RBBP6: variants seen among roughly 807,000 people sequenced by gnomAD.
RBBP6 encodes the protein RB binding protein 6, ubiquitin ligase.
In RBBP6, 25 loss-of-function variants were observed where a neutral mutation model predicts 167.7. The ratio of observed to expected loss-of-function variants is 0.15; its 90% CI spans 0.11 to 0.21. RBBP6 has a LOEUF of 0.21. RBBP6 is among the 10% of genes least tolerant of loss of function. RBBP6 has a pLI of 1.00. For synonymous variants in RBBP6, 789 were observed against 735.8 expected (o/e 1.07, Z -1.17); for missense variants, 1,868 against 2,134.2 (o/e 0.88, Z 2.46).
chr16:24,547,423 A>G (rs907714764), intron 2 of RBBP6, among the ~76,000 whole-genome samples: 6 of 152,134 alleles, frequency 3.9e-5, no homozygotes, highest in Non-Finnish European at 8.8e-5. Context: ...TGATTCTAAG[A>G]ATTATATATA....
intron 2 of RBBP6, among the ~76,000 whole-genome samples, chr16:24,547,736 G>T (rs946957553): frequency 8.5e-5 from 13 of 152,160 alleles, no homozygotes; most frequent in Non-Finnish European, 1.8e-4. Context: ...GATTACAGGC[G>T]TGAGCCACCG....
At position 24,570,776 on chromosome 16, in the gene RBBP6, A is replaced by C. The variant is rs552824401; in HGVS notation, c.3810-100A>C. 23 of 1,052,692 alleles carry C rather than the reference A, an allele frequency of 2.2e-5. No individual in the cohort carries two copies. The African/African-American group carries it at 3.8e-4, about 17-fold the overall frequency. 65.2% of individuals were successfully genotyped at this position (1,052,692 alleles called of 1,614,324 possible). A position where few individuals can be genotyped will look rare whatever the true frequency, so the allele number is the denominator to read the frequency against. ...AGTTTTTTGTTTTTTTTAATGTTAA[A>C]AGGACATTTGTGTTTAAGTTAGCAT... On this transcript the variant is annotated intron_variant, in intron 17 of 17. Transcript: ENST00000319715.
At chr16:24,546,038 G>A in intron 1 of RBBP6, 125 bp from the exon 2 acceptor site, 4 of 1,371,142 alleles carry the variant, frequency 2.9e-6, no homozygotes, top group Non-Finnish European at 3.8e-6. Context: ...TAATCTAGTT[G>A]CAAGGAACTT....
At position 24,567,141 on chromosome 16, in the gene RBBP6, A is replaced by G. The variant is rs1225114018; in HGVS notation, c.1590-2A>G. On this transcript the variant is annotated splice_acceptor_variant, in intron 14 of 17. Coordinates refer to ENST00000319715, the MANE Select transcript of RBBP6 (RefSeq NM_006910.5). LOFTEE classifies it high-confidence loss of function. ...GTAATATCTTGGAATTTATTTTTCC[A>G]GAAGTATAAACCGTGGGCGACACCA... 1 of 1,607,074 alleles carries G rather than the reference A, an allele frequency of 6.2e-7. No individual in the cohort carries two copies.
In RBBP6 at chr16:24,564,959, G is replaced by C. The variant is rs1415265699; in HGVS notation, c.1589+94G>C. The C allele has an allele frequency of 2.7e-6, 4 of 1,497,778 alleles. No homozygotes were observed. The African/African-American group carries it at 4.2e-5, about 16-fold the overall frequency. 92.8% of individuals were successfully genotyped at this position (1,497,778 alleles called of 1,614,324 possible). A position where few individuals can be genotyped will look rare whatever the true frequency, so the allele number is the denominator to read the frequency against. ...AAAGCACAGCAGTGGCAGGAAGGAA[G>C]GGGGTCATTTGTTTGTATTGTGCTT... On this transcript the variant is annotated intron_variant, in intron 14 of 17. Transcript: ENST00000319715.
At chr16:24,551,989 G>A (rs1020289541) in intron 3 of RBBP6, among the ~76,000 whole-genome samples, 1 of 151,554 alleles carries the variant, frequency 6.6e-6, no homozygotes, top group African/African-American at 2.4e-5. Flanking sequence ...TACCACTTGA[G>A]ATTAGTTCTT....
Position 24,568,852 on chromosome 16 carries a change from G to C in RBBP6, c.2162G>C (p.Arg721Pro). ...CGCTCTTATTCTCGATCATTCAGCC[G>C]CTCACATTCTCGTTCCTATTCACGG... ...RSRSYSRSFS[R>P]SHSRSYSRSP... is the part of the protein sequence containing the mutation. Residue 721 changes from arginine (R) to proline (P), a missense_variant, in exon 17 of 18, where the codon CGC (arginine) becomes CCC (proline). This residue lies in a region of RBBP6 where 673 missense variants were observed against 691.5 expected (regional missense o/e 0.97). Transcript: ENST00000319715. The C allele has an allele frequency of 6.2e-7, 1 of 1,614,146 alleles. No homozygotes were observed. The highest frequency in any genetic ancestry group is 8.5e-7 in the Non-Finnish European group (1 of 1,180,014).
At chr16:24,540,931 A>C in intron 1 of RBBP6, 139 bp downstream of exon 1, 1 of 1,085,032 alleles carries the variant, frequency 9.2e-7, no homozygotes, top group Non-Finnish European at 1.3e-6. Flanking sequence ...TTTCATTGAT[A>C]GCCAAGGTTT....
In RBBP6 at chr16:24,571,301, A is replaced by G. The variant is rs1456850971; in HGVS notation, c.4235A>G (p.Glu1412Gly). 6.2e-7 allele frequency: 1 copy of G among 1,613,964 alleles called. No homozygotes were observed. The highest frequency in any genetic ancestry group is 1.1e-5 in the South Asian group (1 of 91,036). The change falls in exon 18 of 18, where the codon GAA (glutamate) becomes GGA (glycine). Residue 1412 changes from glutamate (E) to glycine (G), a missense_variant. By Grantham distance (98) the Glu-to-Gly change is moderately conservative (BLOSUM62 -2). This residue lies in a region of RBBP6 where 591 missense variants were observed against 540.5 expected (regional missense o/e 1.09). Coordinates refer to ENST00000319715, the MANE Select transcript of RBBP6 (RefSeq NM_006910.5). The stretch of plus-strand genomic sequence containing the variant: ...AAAGATCGAGATTATTCAGTGTTGG[A>G]AAAGGAGAACCCTGAAAAGAGGAAG... ...KTKDRDYSVL[E>G]KENPEKRKNS... is the part of the protein sequence containing the mutation.
intron 4 of RBBP6, 143 bp downstream of exon 4, chr16:24,553,700 A>G (rs953292603): frequency 9.9e-5 from 48 of 483,580 alleles, no homozygotes; most frequent in African/African-American, 7.8e-4. Context: ...TGTAAAGAGT[A>G]GTTGCTGTTT....
intron 2 of RBBP6, 45 bp downstream of exon 2, chr16:24,546,307 GTTT>G: frequency 7.0e-7 from 1 of 1,423,872 alleles, no homozygotes; most frequent in Non-Finnish European, 9.3e-7. Flanking sequence ...ACTTTTTTTA[GTTT>G]TTTTAATTTT....
rs1158739888 is a variant in RBBP6 at position 24,548,979 on chromosome 16, G to GCAGTATGTAAAAACA, written c.303+1_303+15dup. 6.2e-7 allele frequency: 1 copy of GCAGTATGTAAAAACA among 1,611,104 alleles called. No homozygotes were observed. Among genetic ancestry groups the GCAGTATGTAAAAACA allele is most frequent in the African/African-American group, 1.3e-5 (1 of 74,988 alleles). On this transcript the variant is annotated inframe_insertion and splice_region_variant, in exon 3 of 18. Coordinates refer to ENST00000319715, the MANE Select transcript of RBBP6 (RefSeq NM_006910.5). ...TGAACCAGCGATGGCAACTACAAAAGCAGTATGTAAAAACACAATCTCACA... is the reference window on the plus strand; with the variant it reads ...TGAACCAGCGATGGCAACTACAAAAGCAGTATGTAAAAACACAGTATGTAAAAACACAATCTCACA...
At position 24,572,541 on chromosome 16, in the gene RBBP6, G is replaced by A. The variant is rs1596516795; in HGVS notation, c.*96G>A. 5.7e-6 allele frequency: 8 copies of A among 1,407,140 alleles called. No homozygotes were observed. The East Asian group carries it at 2.0e-4, about 35-fold the overall frequency. The allele number at this position is 1,407,140 out of a possible 1,614,324, so 87.2% of individuals were successfully genotyped here. A position where few individuals can be genotyped will look rare whatever the true frequency, so the allele number is the denominator to read the frequency against. On this transcript the variant is annotated 3_prime_UTR_variant, in exon 18 of 18. Coordinates refer to ENST00000319715, the MANE Select transcript of RBBP6 (RefSeq NM_006910.5). ...TTCAAGCCTTGTAAATAATGACATGGAAGACCCTGTGCTGCACTTAAAATA... is the reference window on the plus strand; with the variant it reads ...TTCAAGCCTTGTAAATAATGACATGAAAGACCCTGTGCTGCACTTAAAATA...
rs1343789001 is a variant in RBBP6, at chr16:24,555,812, C to T, written c.438-9C>T. ...CTCGTATACATGTAATTTTTTTTCC[C>T]CCTTTTAGTTACATGAAGAAACCTC... is the stretch of plus-strand genomic sequence containing the variant. On this transcript the variant is annotated splice_polypyrimidine_tract_variant and intron_variant, in intron 5 of 17. Transcript: ENST00000319715. 6.3e-7 allele frequency: 1 copy of T among 1,599,792 alleles called. No individual in the cohort carries two copies.
chr16:24,553,414 C>T, intron 3 of RBBP6, 99 bp from the exon 4 acceptor site: 1 of 913,754 alleles, frequency 1.1e-6, no homozygotes, highest in Non-Finnish European at 1.7e-6. Flanking sequence ...TAAGAAAATG[C>T]CCAATATTTC....
At position 24,540,399 on chromosome 16, in the gene RBBP6, C is replaced by T. The variant is rs928458817; in HGVS notation, c.-228C>T. On this transcript the variant is annotated 5_prime_UTR_variant, in exon 1 of 18. Transcript: ENST00000319715. ...TTCTCGATTTCCCCTCTTCCCCGTC[C>T]TCGTCCTCCTCCTCCCCCATGAAGT... 12 of 427,882 alleles carry T rather than the reference C, an allele frequency of 2.8e-5. No individual in the cohort carries two copies. Among genetic ancestry groups the T allele is most frequent in the African/African-American group, 1.6e-4 (8 of 49,836 alleles). 26.5% of individuals were successfully genotyped at this position (427,882 alleles called of 1,614,324 possible).
Position 24,555,773 on chromosome 16 carries a change from A to G in RBBP6, c.438-48A>G, listed in dbSNP as rs117270316. The G allele has an allele frequency of 8.4e-4, 1,330 of 1,586,012 alleles. 8 individuals are homozygous for G. In the East Asian group the frequency reaches 0.02, roughly 24 times the overall value. On this transcript the variant is annotated intron_variant, in intron 5 of 17. Transcript: ENST00000319715. Reference sequence around the variant, plus strand: ...GTTTTCCCCCCCAATCAAAAGCACTATTTTTTCAAAGTCCTCGTATACATG... The same window carrying G: ...GTTTTCCCCCCCAATCAAAAGCACTGTTTTTTCAAAGTCCTCGTATACATG...
At position 24,563,639 on chromosome 16, in the gene RBBP6, G is replaced by A. The variant is rs150662872; in HGVS notation, c.1495G>A (p.Gly499Ser). 81 of 1,611,596 alleles carry A rather than the reference G, an allele frequency of 5.0e-5. No individual in the cohort carries two copies. In the African/African-American group the frequency reaches 1.0e-3, roughly 20 times the overall value. ...GPVRINTARP[G>S]GGRPGWEHSN... ...AGTAAGAATAAATACTGCTCGTCCA[G>A]GTGGTGGTCGACCAGGCTGGGAACA... is the stretch of plus-strand genomic sequence containing the variant. Residue 499 changes from glycine (G) to serine (S), a missense_variant, in exon 13 of 18, where the codon GGT (glycine) becomes AGT (serine). By Grantham distance (56) the Gly-to-Ser change is moderately conservative (BLOSUM62 0). This residue lies in a region of RBBP6 where 245 missense variants were observed against 240.1 expected (regional missense o/e 1.02). Coordinates refer to ENST00000319715, the MANE Select transcript of RBBP6 (RefSeq NM_006910.5).
Position 24,569,608 on chromosome 16 carries a change from CATT to C in RBBP6, c.2919_2921del (p.Leu974del), listed in dbSNP as rs1899277917. The stretch of plus-strand genomic sequence containing the variant: ...GGTGTTGAAGAAAATAAAACAGACT[CATT>C]GTTTGTTCTCCCAAGTAGAGATGAT... On this transcript the variant is annotated inframe_deletion, in exon 17 of 18. Coordinates refer to ENST00000319715, the MANE Select transcript of RBBP6 (RefSeq NM_006910.5). 1 of 1,612,080 alleles carries C rather than the reference CATT, an allele frequency of 6.2e-7. No homozygotes were observed. Among genetic ancestry groups the C allele is most frequent in the Non-Finnish European group, 8.5e-7 (1 of 1,179,532 alleles).
Sources: allele counts gnomAD v4.1 joint callset (sites outside exome capture counted in the v4.1 genomes callset), GRCh38; gene constraint gnomAD v4.1.1; regional missense constraint gnomAD v4.1.1; transcripts MANE v1.5; gene names NCBI Gene and HGNC (gene_info 2026-07-23, HGNC 2026-07-21).